The following KCNT2 variants were observed in gnomAD, a reference collection of about 807,000 sequenced individuals.
KCNT2 encodes potassium sodium-activated channel subfamily T member 2.
A neutral mutation model predicts 153.8 loss-of-function variants in KCNT2; 67 were observed. That is an observed-to-expected ratio of 0.44 (90% CI 0.36 to 0.53). The LOEUF (loss-of-function observed/expected upper bound fraction) is 0.53, where lower values mean the gene tolerates loss of function less well. Ranked by LOEUF, KCNT2 falls within the 20% of genes least tolerant of loss-of-function variation. The pLI is 0.00. For synonymous variants in KCNT2, 500 were observed against 458.8 expected (o/e 1.09, Z -1.15); for missense variants, 975 against 1,354.8 (o/e 0.72, Z 4.40).
chr1:196,337,865 T>C (rs1381215143), intron 16 of KCNT2, among the ~76,000 whole-genome samples: 1 of 152,152 alleles, frequency 6.6e-6, no homozygotes, highest in African/African-American at 2.4e-5. Context: ...TACTTATTTT[T>C]TTATATGTAC....
intron 1 of KCNT2, among the ~76,000 whole-genome samples, chr1:196,497,335 G>A (rs1317385596): frequency 2.0e-5 from 3 of 151,886 alleles, no homozygotes; most frequent in Admixed American, 2.0e-4. Flanking sequence ...TAGTACTTAG[G>A]TACTACTAAG....
chr1:196,388,758 T>C (rs998448717), intron 13 of KCNT2, among the ~76,000 whole-genome samples: 17 of 151,916 alleles, frequency 1.1e-4, no homozygotes, highest in Admixed American at 3.9e-4. Context: ...TCCTAAGTCA[T>C]TCATTAGTTC....
intron 25 of KCNT2, among the ~76,000 whole-genome samples, chr1:196,259,888 T>C (rs934782048): frequency 1.3e-5 from 2 of 151,948 alleles, no homozygotes; most frequent in South Asian, 4.1e-4. Flanking sequence ...TTTAATACCA[T>C]GGTTTAACAA....
At chr1:196,411,806 T>C (rs1384317219) in intron 12 of KCNT2, among the ~76,000 whole-genome samples, 1 of 151,966 alleles carries the variant, frequency 6.6e-6, no homozygotes, top group East Asian at 1.9e-4. Context: ...GTGGGGGATA[T>C]ATTCCAAGAC....
chr1:196,555,341 A>G (rs1481261459), intron 1 of KCNT2, among the ~76,000 whole-genome samples: 1 of 151,502 alleles, frequency 6.6e-6, no homozygotes, highest in Admixed American at 6.6e-5. Context: ...AATCAGTAGC[A>G]TTTCTATATG....
At chr1:196,578,320 C>T (rs1221237568) in intron 1 of KCNT2, among the ~76,000 whole-genome samples, 1 of 152,134 alleles carries the variant, frequency 6.6e-6, no homozygotes, top group African/African-American at 2.4e-5. Flanking sequence ...CAAGAAGCAC[C>T]TCAGTACCTG....
At chr1:196,607,766 G>A (rs1665482000) in intron 1 of KCNT2, among the ~76,000 whole-genome samples, 1 of 152,196 alleles carries the variant, frequency 6.6e-6, no homozygotes, top group Admixed American at 6.5e-5. Flanking sequence ...CAAGGAGGAG[G>A]TAAATAGACT....
chr1:196,607,745 G>A (rs935705575), intron 1 of KCNT2, among the ~76,000 whole-genome samples: 1 of 152,112 alleles, frequency 6.6e-6, no homozygotes, highest in African/African-American at 2.4e-5. Context: ...ACCTACTCAA[G>A]ACAACACAGA....
At position 196,225,823 on chromosome 1, in the gene KCNT2, C is replaced by T. The variant is rs980185756; in HGVS notation, c.*2401G>A. 2.6e-5 allele frequency: 4 copies of T among 152,110 alleles called. No individual in the cohort carries two copies. The highest frequency in any genetic ancestry group is 9.6e-5 in the African/African-American group (4 of 41,520). 9.4% of individuals were successfully genotyped at this position (152,110 alleles called of 1,614,324 possible). A position where few individuals can be genotyped will look rare whatever the true frequency, so the allele number is the denominator to read the frequency against. On this transcript the variant is annotated 3_prime_UTR_variant, in exon 28 of 28. Coordinates refer to ENST00000294725, the MANE Select transcript of KCNT2 (RefSeq NM_198503.5). ...TTTTATTATTTATTTTAAAGCAGTT[C>T]AATGTAACTGGTAGCAAAATGGTAC...
At chr1:196,300,349 G>A (rs766739238) in intron 22 of KCNT2, among the ~76,000 whole-genome samples, 4 of 152,282 alleles carry the variant, frequency 2.6e-5, no homozygotes, top group African/African-American at 7.2e-5. Context: ...GTGTTGTGGT[G>A]ATGGGATTCA....
chr1:196,516,026 A>G (rs1682021964), intron 1 of KCNT2, among the ~76,000 whole-genome samples: 1 of 152,068 alleles, frequency 6.6e-6, no homozygotes, highest in South Asian at 2.1e-4. Flanking sequence ...AGATACCCAG[A>G]CTTCCCAGCA....
chr1:196,514,635 T>C (rs146305779), intron 1 of KCNT2, among the ~76,000 whole-genome samples: 1 of 152,234 alleles, frequency 6.6e-6, no homozygotes, highest in Non-Finnish European at 1.5e-5. Flanking sequence ...TAAACTTACA[T>C]ATTTAAATGT....
intron 8 of KCNT2, among the ~76,000 whole-genome samples, chr1:196,442,188 A>C (rs1227368745): frequency 6.6e-6 from 1 of 151,842 alleles, no homozygotes; most frequent in Admixed American, 6.6e-5. Flanking sequence ...TCACGTTTTT[A>C]GAACAAAATC....
At chr1:196,432,812 T>C (rs1261947408) in intron 8 of KCNT2, among the ~76,000 whole-genome samples, 1 of 152,006 alleles carries the variant, frequency 6.6e-6, no homozygotes, top group Non-Finnish European at 1.5e-5. Context: ...GGACTTAGAG[T>C]TGGTGTTGGA....
chr1:196,527,818 T>C (rs1227437561), intron 1 of KCNT2, among the ~76,000 whole-genome samples: 1 of 152,200 alleles, frequency 6.6e-6, no homozygotes, highest in Non-Finnish European at 1.5e-5. Flanking sequence ...TACACCCCTT[T>C]CACACACAGT....
intron 12 of KCNT2, among the ~76,000 whole-genome samples, chr1:196,415,356 C>T (rs1037002021): frequency 9.2e-5 from 14 of 151,758 alleles, no homozygotes; most frequent in African/African-American, 2.4e-5. Context: ...TTTGCATCAG[C>T]AACTATGCCA....
At chr1:196,329,716 A>T (rs1261667449) in intron 18 of KCNT2, among the ~76,000 whole-genome samples, 1 of 150,332 alleles carries the variant, frequency 6.7e-6, no homozygotes, top group Non-Finnish European at 1.5e-5. Context: ...GAAAATACAT[A>T]GCTTGCCAGA....
At chr1:196,419,034 G>A (rs760431803) in intron 12 of KCNT2, among the ~76,000 whole-genome samples, 3 of 151,972 alleles carry the variant, frequency 2.0e-5, no homozygotes, top group Admixed American at 1.3e-4. Flanking sequence ...ATCCCCTGAG[G>A]CTACTTCTCC....
chr1:196,255,655 A>C (rs1378262221), intron 26 of KCNT2, among the ~76,000 whole-genome samples: 1 of 151,916 alleles, frequency 6.6e-6, no homozygotes. Flanking sequence ...AAATAGGATA[A>C]GTAAAGGATA....
Sources: gnomAD v4.1 joint callset for allele counts (sites outside exome capture counted in the v4.1 genomes callset) on GRCh38, gnomAD v4.1.1 for gene constraint, MANE v1.5 for transcripts, NCBI Gene and HGNC (gene_info 2026-07-23, HGNC 2026-07-21) for gene names.